Variants in CCSER2 observed in about 807,000 individuals in gnomAD.
CCSER2 encodes coiled-coil serine rich protein 2, also known as serine-rich coiled-coil domain-containing protein 2.
CCSER2 carries 46 observed loss-of-function variants against 92.3 expected under a neutral mutation model. The ratio of observed to expected loss-of-function variants is 0.50; its 90% CI spans 0.39 to 0.64. The LOEUF (loss-of-function observed/expected upper bound fraction) is 0.64, where lower values mean the gene tolerates loss of function less well. Among genes scored for constraint, CCSER2 ranks in the 30% least tolerant of loss-of-function variants. The probability of loss-of-function intolerance (pLI) is 0.00; values close to 1 mark genes in which losing one functional copy is unlikely to be tolerated. For synonymous variants in CCSER2, 433 were observed against 431.4 expected, an observed-to-expected ratio of 1.00 and a Z score of -0.04; for missense variants, 1,244 against 1,238.9, an observed-to-expected ratio of 1.00 and a Z score of -0.06.
At chr10:84,387,750 G>A (rs1386870332) in intron 3 of CCSER2, among the ~76,000 whole-genome samples, 6 of 152,066 alleles carry the variant, frequency 3.9e-5, no homozygotes, top group East Asian at 1.9e-4. Context: ...GGATGGTCTC[G>A]ATCTCCTGAC....
Position 84,391,612 on chromosome 10 carries a change from T to C in CCSER2, c.1614+17797T>C. 5 of 1,531,282 alleles carry C rather than the reference T, an allele frequency of 3.3e-6. No homozygotes were observed. The South Asian group carries it at 4.5e-5, about 14-fold the overall frequency. 94.9% of individuals were successfully genotyped at this position (1,531,282 alleles called of 1,614,324 possible). A position where few individuals can be genotyped will look rare whatever the true frequency, so the allele number is the denominator to read the frequency against. On this transcript the variant is annotated intron_variant, in intron 3 of 9. Transcript: ENST00000372088. The stretch of plus-strand genomic sequence containing the variant: ...AAATGGATATAGAGATGCAGCCTTA[T>C]ATTCCTATGGTGTTGCACTAGCTTG...
chr10:84,420,443 G>C (rs944121434), intron 4 of CCSER2, among the ~76,000 whole-genome samples: 4 of 152,172 alleles, frequency 2.6e-5, no homozygotes, highest in Admixed American at 6.5e-5. Flanking sequence ...TGGTACTATA[G>C]GAAAGTGGGA....
intron 1 of CCSER2, among the ~76,000 whole-genome samples, chr10:84,331,816 A>T (rs1843577064): frequency 1.3e-5 from 2 of 152,250 alleles, no homozygotes; most frequent in African/African-American, 4.8e-5. Context: ...GATAAAGCAT[A>T]CACATAATGC....
chr10:84,352,644 C>T (rs1159184568), intron 1 of CCSER2, among the ~76,000 whole-genome samples: 1 of 152,058 alleles, frequency 6.6e-6, no homozygotes, highest in Non-Finnish European at 1.5e-5. Flanking sequence ...TTAAGTGCCA[C>T]TGACAGGTTC....
At chr10:84,399,604 C>T (rs1330791868) in intron 3 of CCSER2, among the ~76,000 whole-genome samples, 1 of 151,956 alleles carries the variant, frequency 6.6e-6, no homozygotes, top group African/African-American at 2.4e-5. Context: ...TTTTTTAAAC[C>T]TTCCTGGAGA....
intron 1 of CCSER2, among the ~76,000 whole-genome samples, chr10:84,361,162 G>A (rs1417953786): frequency 1.3e-5 from 2 of 152,236 alleles, no homozygotes; most frequent in Admixed American, 1.3e-4. Flanking sequence ...TTGAATGCTA[G>A]GTTGAGGCCC....
intron 6 of CCSER2, among the ~76,000 whole-genome samples, chr10:84,454,176 A>G (rs186072214): frequency 9.2e-5 from 14 of 152,326 alleles, no homozygotes; most frequent in Non-Finnish European, 1.5e-5. Flanking sequence ...AATGGTTACC[A>G]GCAATCCTTG....
chr10:84,405,069 C>T (rs1354757628), intron 3 of CCSER2, among the ~76,000 whole-genome samples: 1 of 152,100 alleles, frequency 6.6e-6, no homozygotes, highest in African/African-American at 2.4e-5. Flanking sequence ...ATTGTACTAA[C>T]CCATTTTAAA....
intron 6 of CCSER2, among the ~76,000 whole-genome samples, chr10:84,463,205 CT>C (rs999177029): frequency 3.3e-5 from 5 of 152,078 alleles, no homozygotes; most frequent in African/African-American, 1.2e-4. Context: ...TTATTTCAGC[CT>C]TTTTTGAGGC....
intron 9 of CCSER2, among the ~76,000 whole-genome samples, chr10:84,509,641 CT>C (rs1435924356): frequency 2.0e-5 from 3 of 152,190 alleles, no homozygotes; most frequent in African/African-American, 7.2e-5. Flanking sequence ...GTTAGAGGCA[CT>C]TAGCTCTGTA....
At position 84,513,749 on chromosome 10, in the gene CCSER2, A is replaced by C; in HGVS notation, c.2626A>C (p.Asn876His). 6.5e-7 allele frequency: 1 copy of C among 1,537,410 alleles called. No homozygotes were observed. The highest frequency in any genetic ancestry group is 2.4e-5 in the East Asian group (1 of 40,922). Residue 876 changes from asparagine to histidine, a missense_variant, in exon 10 of 10, where the codon AAT becomes CAT. Coordinates refer to ENST00000372088, the MANE Select transcript of CCSER2 (RefSeq NM_001284240.2). ...TCAAGAGCCTTATCATTTGGCAAAC[A>C]ATCAAATTAGTGACATGCAGTTTAT... is the stretch of plus-strand genomic sequence containing the variant. ...NAQEPYHLAN[N>H]QISDMQFIPT... is the part of the protein sequence containing the mutation.
intron 4 of CCSER2, among the ~76,000 whole-genome samples, chr10:84,419,704 C>T (rs1041785013): frequency 3.9e-5 from 6 of 152,124 alleles, no homozygotes; most frequent in African/African-American, 1.4e-4. Flanking sequence ...AGAAAAAAAT[C>T]ACAGGCAACA....
intron 3 of CCSER2, among the ~76,000 whole-genome samples, chr10:84,408,420 C>T (rs1366585358): frequency 6.6e-6 from 1 of 151,950 alleles, no homozygotes; most frequent in African/African-American, 2.4e-5. Context: ...TTTCCTCTCT[C>T]TCCCTCCATT....
intron 7 of CCSER2, among the ~76,000 whole-genome samples, chr10:84,465,906 G>A (rs1243052947): frequency 3.3e-5 from 5 of 151,632 alleles, no homozygotes; most frequent in South Asian, 2.1e-4. Flanking sequence ...GCCCACCACC[G>A]CGCCCAGCTA....
chr10:84,331,797 G>A (rs1278360229), intron 1 of CCSER2, among the ~76,000 whole-genome samples: 1 of 152,078 alleles, frequency 6.6e-6, no homozygotes, highest in African/African-American at 2.4e-5. Flanking sequence ...CATATCAGTG[G>A]TTTTATATGA....
chr10:84,469,782 G>A (rs1564698259), intron 7 of CCSER2, among the ~76,000 whole-genome samples: 1 of 152,052 alleles, frequency 6.6e-6, no homozygotes, highest in Non-Finnish European at 1.5e-5. Context: ...TTGAGAAGGT[G>A]TTCTCTCTTT....
chr10:84,436,819 GT>G (rs1844187436), intron 5 of CCSER2, among the ~76,000 whole-genome samples: 1 of 152,036 alleles, frequency 6.6e-6, no homozygotes, highest in African/African-American at 2.4e-5. Flanking sequence ...ATGAGAAGTA[GT>G]TTCAGAGAAA....
intron 7 of CCSER2, among the ~76,000 whole-genome samples, chr10:84,465,545 C>G (rs1463901352): frequency 6.6e-6 from 1 of 151,470 alleles, no homozygotes; most frequent in African/African-American, 2.4e-5. Flanking sequence ...AGGCTGGTCT[C>G]GAACTCCTGA....
intron 6 of CCSER2, among the ~76,000 whole-genome samples, chr10:84,444,884 C>T (rs1394843458): frequency 6.6e-6 from 1 of 152,182 alleles, no homozygotes; most frequent in Non-Finnish European, 1.5e-5. Flanking sequence ...TTCTACTCAT[C>T]ACAACATCAT....
Sources: gnomAD v4.1 joint callset for allele counts (sites outside exome capture counted in the v4.1 genomes callset) on GRCh38, gnomAD v4.1.1 for gene constraint, MANE v1.5 for transcripts, NCBI Gene and HGNC (gene_info 2026-07-23, HGNC 2026-07-21) for gene names.